TFEC: variants seen among roughly 807,000 people sequenced by gnomAD.
TFEC encodes class E basic helix-loop-helix protein 34.
TFEC carries 31 observed loss-of-function variants against 41.6 expected under a neutral mutation model. That is an observed-to-expected ratio of 0.74 (90% confidence interval 0.56 to 1.01). The LOEUF (loss-of-function observed/expected upper bound fraction) is 1.01. Among genes scored for constraint, TFEC ranks in the 50% least tolerant of loss-of-function variants. The pLI is 0.00. For missense variants in TFEC, 402 were observed against 404.1 expected (o/e 0.99, Z 0.04); for synonymous variants, 143 against 140.6 (o/e 1.02, Z -0.12).
chr7:116,133,911 A>C (rs747405974), intron 1 of TFEC, among the ~76,000 whole-genome samples: 16 of 152,328 alleles, frequency 1.1e-4, no homozygotes, highest in Non-Finnish European at 1.3e-4. Flanking sequence ...GGTCCTGAGC[A>C]GTAATAATGC....
rs574862582 is a variant in TFEC at position 116,121,588 on chromosome 7, AAAAT to A, written c.-68-9554_-68-9551del. The stretch of plus-strand genomic sequence containing the variant: ...GGTTATGTGAATTTCACTTCAACAA[AAAAT>A]AAATATATAGAAGCAAATTACTATT... On this transcript the variant is annotated intron_variant, in intron 1 of 8. Transcript: ENST00000484212. 655 of 152,214 alleles carry A rather than the reference AAAAT, an allele frequency of 4.3e-3. 1 individual carries two copies. Among genetic ancestry groups the A allele is most frequent in the African/African-American group, 0.015 (622 of 41,560 alleles). The allele number at this position is 152,214 out of a possible 1,614,324, so 9.4% of individuals were successfully genotyped here.
intron 1 of TFEC, among the ~76,000 whole-genome samples, chr7:116,138,951 G>A (rs892254231): frequency 2.6e-5 from 4 of 152,156 alleles, no homozygotes; most frequent in Non-Finnish European, 4.4e-5. Context: ...ACATGGGGAT[G>A]TTCAATTAGA....
chr7:116,056,599 G>A (rs75527653), intron 3 of TFEC, among the ~76,000 whole-genome samples: 4,208 of 152,058 alleles, frequency 0.028, 196 homozygotes, highest in African/African-American at 0.095. Context: ...GAAAGATCTC[G>A]CCTCAATCAT....
At chr7:116,024,052 T>C (rs1795497538) in intron 1 of TFEC, among the ~76,000 whole-genome samples, 1 of 152,162 alleles carries the variant, frequency 6.6e-6, no homozygotes, top group Admixed American at 6.6e-5. Flanking sequence ...TTGATATTTG[T>C]CACTGGTTAT....
chr7:116,005,124 C>A (rs932710137), intron 1 of TFEC, among the ~76,000 whole-genome samples: 1 of 152,182 alleles, frequency 6.6e-6, no homozygotes, highest in African/African-American at 2.4e-5. Flanking sequence ...GTAAATTGCC[C>A]AGTCTGAGGT....
intron 3 of TFEC, among the ~76,000 whole-genome samples, chr7:116,047,329 G>T (rs1405761133): frequency 6.6e-6 from 1 of 152,164 alleles, no homozygotes; most frequent in African/African-American, 2.4e-5. Context: ...AATGGTCTTA[G>T]CAAACGGCAC....
chr7:116,098,891 G>GAAGGAAGC (rs1183279102), intron 3 of TFEC, among the ~76,000 whole-genome samples: 1 of 143,676 alleles, frequency 7.0e-6, no homozygotes. Flanking sequence ...AGGAAGGAAG[G>GAAGGAAGC]AAGGAAGGAA....
chr7:116,142,405 T>G (rs967465274), intron 1 of TFEC, among the ~76,000 whole-genome samples: 4 of 152,214 alleles, frequency 2.6e-5, no homozygotes, highest in South Asian at 2.1e-4. Flanking sequence ...TTTTTCAGAA[T>G]GTACTCCCAC....
chr7:116,063,771 G>A (rs1246772205), intron 3 of TFEC, among the ~76,000 whole-genome samples: 2 of 152,044 alleles, frequency 1.3e-5, no homozygotes, highest in Non-Finnish European at 2.9e-5. Context: ...ACAATAACAG[G>A]ATTTCCTTCC....
intron 1 of TFEC, among the ~76,000 whole-genome samples, chr7:116,000,266 C>G (rs1444376620): frequency 6.6e-6 from 1 of 151,930 alleles, no homozygotes; most frequent in Admixed American, 6.6e-5. Flanking sequence ...TTGAACACTT[C>G]AAGATAAAAA....
chr7:116,013,213 C>T (rs1795067274), intron 1 of TFEC, among the ~76,000 whole-genome samples: 1 of 151,912 alleles, frequency 6.6e-6, no homozygotes, highest in Non-Finnish European at 1.5e-5. Flanking sequence ...CTAATAAATG[C>T]AATTATTCTT....
intron 2 of TFEC, among the ~76,000 whole-genome samples, chr7:115,974,535 G>A (rs1303865038): frequency 6.9e-6 from 1 of 145,772 alleles, no homozygotes; most frequent in African/African-American, 2.5e-5. Context: ...GTGTCCAAAG[G>A]CTGACAGGTG....
chr7:116,019,350 G>C (rs1404359720), intron 1 of TFEC, among the ~76,000 whole-genome samples: 1 of 152,120 alleles, frequency 6.6e-6, no homozygotes, highest in Non-Finnish European at 1.5e-5. Context: ...AGATTTATTG[G>C]TAAACTTGTC....
chr7:116,014,769 G>C (rs1336253648), intron 1 of TFEC, among the ~76,000 whole-genome samples: 3 of 152,052 alleles, frequency 2.0e-5, no homozygotes, highest in Non-Finnish European at 4.4e-5. Context: ...ATAATCTCAA[G>C]GGTTCTTATA....
At chr7:116,058,250 A>G (rs1288930965) in intron 3 of TFEC, among the ~76,000 whole-genome samples, 2 of 151,830 alleles carry the variant, frequency 1.3e-5, no homozygotes, top group Non-Finnish European at 3.0e-5. Context: ...CGTACCAATT[A>G]AAGTAGATTT....
chr7:116,090,215 T>C (rs1797293828), intron 3 of TFEC, among the ~76,000 whole-genome samples: 1 of 152,172 alleles, frequency 6.6e-6, no homozygotes, highest in Admixed American at 6.6e-5. Flanking sequence ...GTGACCTTTG[T>C]AACTTCACTT....
chr7:115,991,447 CA>C (rs1321024062), intron 1 of TFEC, among the ~76,000 whole-genome samples: 3 of 152,124 alleles, frequency 2.0e-5, no homozygotes, highest in Non-Finnish European at 4.4e-5. Flanking sequence ...GATAAAGAGT[CA>C]AGAGCCATCA....
chr7:116,141,673 A>AT, intron 1 of TFEC, among the ~76,000 whole-genome samples: 1 of 152,222 alleles, frequency 6.6e-6, no homozygotes, highest in Non-Finnish European at 1.5e-5. Context: ...AGGGGCCACC[A>AT]TATCCCATGA....
chr7:115,993,612 T>C (rs1794223518), intron 1 of TFEC, among the ~76,000 whole-genome samples: 1 of 152,134 alleles, frequency 6.6e-6, no homozygotes, highest in Non-Finnish European at 1.5e-5. Flanking sequence ...TCACAATTGC[T>C]TCAAAGAGAA....
Sources: allele counts gnomAD v4.1 joint callset (sites outside exome capture counted in the v4.1 genomes callset), GRCh38; gene constraint gnomAD v4.1.1; transcripts MANE v1.5; gene names NCBI Gene and HGNC (gene_info 2026-07-23, HGNC 2026-07-21).